The following CMKLR1 variants were observed in gnomAD, a reference collection of about 807,000 sequenced individuals.
CMKLR1 encodes the protein chemerin chemokine-like receptor 1, also known as chemerin-like receptor 1.
In CMKLR1, 6 loss-of-function variants were observed where a neutral mutation model predicts 8.2. That is an observed-to-expected ratio of 0.73 (90% confidence interval 0.40 to 1.44). The LOEUF is 1.44. Among genes scored for constraint, CMKLR1 ranks in the 40% most tolerant of loss-of-function variants. The pLI is 0.02. For missense variants in CMKLR1, 429 were observed against 478.0 expected (o/e 0.90, Z 0.96); for synonymous variants, 178 against 181.2 (o/e 0.98, Z 0.14).
At chr12:108,321,383 G>A (rs1891857718) in intron 2 of CMKLR1, among the ~76,000 whole-genome samples, 1 of 152,112 alleles carries the variant, frequency 6.6e-6, no homozygotes, top group East Asian at 1.9e-4. Flanking sequence ...AGTGAGCTAC[G>A]ATCATACCAC....
chr12:108,306,709 T>C (rs907942334), intron 2 of CMKLR1, among the ~76,000 whole-genome samples: 2 of 152,184 alleles, frequency 1.3e-5, no homozygotes, highest in African/African-American at 4.8e-5. Flanking sequence ...TCAAGACCAA[T>C]GCCTTACTAT....
intron 2 of CMKLR1, among the ~76,000 whole-genome samples, chr12:108,311,843 G>A (rs1014963648): frequency 6.6e-6 from 1 of 152,174 alleles, no homozygotes; most frequent in Non-Finnish European, 1.5e-5. Flanking sequence ...GGGCACGGAA[G>A]GACTGCTGGG....
chr12:108,305,726 G>T (rs1891390315), intron 2 of CMKLR1, among the ~76,000 whole-genome samples: 1 of 152,228 alleles, frequency 6.6e-6, no homozygotes, highest in South Asian at 2.1e-4. Flanking sequence ...TGTCAGGAGA[G>T]AATTTCCTCC....
intron 1 of CMKLR1, among the ~76,000 whole-genome samples, chr12:108,333,756 C>T (rs746641113): frequency 2.0e-5 from 3 of 152,364 alleles, no homozygotes; most frequent in Non-Finnish European, 2.9e-5. Flanking sequence ...GTCACCCAGA[C>T]GTCAACATTT....
At chr12:108,333,170 C>A (rs1290361729) in intron 1 of CMKLR1, among the ~76,000 whole-genome samples, 2 of 152,012 alleles carry the variant, frequency 1.3e-5, no homozygotes, top group Non-Finnish European at 1.5e-5. Flanking sequence ...CACCCACCCA[C>A]CTCCTTGCAC....
Position 108,291,667 on chromosome 12 carries a change from A to G in CMKLR1, c.*174T>C, listed in dbSNP as rs1028868349. The G allele has an allele frequency of 1.5e-6, 1 of 683,658 alleles. No homozygotes were observed. Among genetic ancestry groups the G allele is most frequent in the African/African-American group, 1.8e-5 (1 of 56,174 alleles). The allele number at this position is 683,658 out of a possible 1,614,324, so 42.3% of individuals were successfully genotyped here. Reference sequence around the variant, plus strand: ...GTATGGAACACAGCATGTTCTGTCCACTAGAAGAAAGGGGTTCCAGGCCCT... The same window carrying G: ...GTATGGAACACAGCATGTTCTGTCCGCTAGAAGAAAGGGGTTCCAGGCCCT... On this transcript the variant is annotated 3_prime_UTR_variant, in exon 4 of 4. Transcript: ENST00000550402.
chr12:108,330,630 G>A (rs2137343116), intron 1 of CMKLR1, among the ~76,000 whole-genome samples: 1 of 152,342 alleles, frequency 6.6e-6, no homozygotes, highest in East Asian at 1.9e-4. Flanking sequence ...CAGATTCAGA[G>A]GGAATCCATC....
rs1179816150 is a variant in CMKLR1, at chr12:108,288,432, G to T, written c.*3409C>A. ...AGGTCCCTTATGGTTTTCACGATTGGATTCTATCTTCTCCCACCCATCCAG... is the reference window on the plus strand; with the variant it reads ...AGGTCCCTTATGGTTTTCACGATTGTATTCTATCTTCTCCCACCCATCCAG... On this transcript the variant is annotated 3_prime_UTR_variant, in exon 4 of 4. Coordinates refer to ENST00000550402, the MANE Select transcript of CMKLR1 (RefSeq NM_001142343.2). The T allele has an allele frequency of 6.6e-6, 1 of 152,190 alleles. No individual in the cohort carries two copies. The highest frequency in any genetic ancestry group is 6.5e-5 in the Admixed American group (1 of 15,276). The allele number at this position is 152,190 out of a possible 1,614,324, so 9.4% of individuals were successfully genotyped here. A position where few individuals can be genotyped will look rare whatever the true frequency, so the allele number is the denominator to read the frequency against.
intron 1 of CMKLR1, among the ~76,000 whole-genome samples, chr12:108,336,750 G>T (rs1289191649): frequency 1.3e-5 from 2 of 152,130 alleles, no homozygotes; most frequent in Non-Finnish European, 2.9e-5. Context: ...ATCCACTAAA[G>T]AAATCAATAA....
Position 108,316,758 on chromosome 12 carries a change from A to G in CMKLR1, c.-74+13237T>C, listed in dbSNP as rs79111980. Among the ~76,000 whole-genome samples, 1,399 of 152,296 alleles carry G rather than the reference A, an allele frequency of 9.2e-3. 23 individuals carry two copies. The highest frequency in any genetic ancestry group is 0.032 in the African/African-American group (1,314 of 41,546). ...GGGATTTCCAAAATCCCCAAAGATC[A>G]GGGAGCTACGGGCAAGGTGTCAACC... is the stretch of plus-strand genomic sequence containing the variant. On this transcript the variant is annotated intron_variant, in intron 2 of 3. Coordinates refer to ENST00000550402, the MANE Select transcript of CMKLR1 (RefSeq NM_001142343.2).
chr12:108,290,526 T>A lies in CMKLR1; in HGVS notation c.*1315A>T, dbSNP rs1767394765. ...TAAATTCCAAATAGAAGAACAGAGT[T>A]TCTGGAGCCAGACGGAGCCAGGTTC... On this transcript the variant is annotated 3_prime_UTR_variant, in exon 4 of 4. Transcript: ENST00000550402. 1 of 152,218 alleles carries A rather than the reference T, an allele frequency of 6.6e-6. No homozygotes were observed. The highest frequency in any genetic ancestry group is 2.1e-4 in the South Asian group (1 of 4,822). The allele number at this position is 152,218 out of a possible 1,614,324, so 9.4% of individuals were successfully genotyped here.
At chr12:108,299,666 G>T (rs1372413467) in intron 2 of CMKLR1, among the ~76,000 whole-genome samples, 8 of 152,210 alleles carry the variant, frequency 5.3e-5, no homozygotes, top group Admixed American at 5.2e-4. Context: ...GCAGGGGGAA[G>T]ATTTCACATG....
chr12:108,313,385 T>TA (rs1221919396), intron 2 of CMKLR1, among the ~76,000 whole-genome samples: 1 of 152,158 alleles, frequency 6.6e-6, no homozygotes, highest in African/African-American at 2.4e-5. Flanking sequence ...ACCCTCATCT[T>TA]ACAGGAAAAG....
chr12:108,310,569 A>G (rs1192966540), intron 2 of CMKLR1, among the ~76,000 whole-genome samples: 1 of 152,184 alleles, frequency 6.6e-6, no homozygotes, highest in Non-Finnish European at 1.5e-5. Flanking sequence ...CTCAGCCCAC[A>G]GGGACTGGTT....
chr12:108,315,080 G>A (rs1891687459), intron 2 of CMKLR1, among the ~76,000 whole-genome samples: 2 of 151,872 alleles, frequency 1.3e-5, no homozygotes, highest in African/African-American at 2.4e-5. Flanking sequence ...TGAGATTACA[G>A]GCATGCGCCA....
At chr12:108,330,821 G>T (rs1892087521) in intron 1 of CMKLR1, among the ~76,000 whole-genome samples, 1 of 152,176 alleles carries the variant, frequency 6.6e-6, no homozygotes, top group African/African-American at 2.4e-5. Context: ...ATTGATAGTA[G>T]AACAGCTGAA....
intron 2 of CMKLR1, among the ~76,000 whole-genome samples, chr12:108,311,460 A>G (rs545148254): frequency 6.6e-5 from 10 of 152,226 alleles, no homozygotes; most frequent in African/African-American, 2.4e-4. Context: ...AGGGGAAAAA[A>G]TTTTAATTTA....
rs903106168 is a variant in CMKLR1, at chr12:108,289,029, A to G, written c.*2812T>C. The G allele has an allele frequency of 2.0e-5, 3 of 149,028 alleles. No homozygotes were observed. Among genetic ancestry groups the G allele is most frequent in the East Asian group, 2.0e-4 (1 of 4,968 alleles). The allele number at this position is 149,028 out of a possible 1,614,324, so 9.2% of individuals were successfully genotyped here. A position where few individuals can be genotyped will look rare whatever the true frequency, so the allele number is the denominator to read the frequency against. ...AGGTTTCAGTGTTTGTGCCTGAACC[A>G]TCGTAGGTGCTTCATGAATGCCAGA... On this transcript the variant is annotated 3_prime_UTR_variant, in exon 4 of 4. Transcript: ENST00000550402.
intron 2 of CMKLR1, among the ~76,000 whole-genome samples, chr12:108,319,912 C>A (rs1179492471): frequency 6.6e-6 from 1 of 152,118 alleles, no homozygotes; most frequent in Non-Finnish European, 1.5e-5. Context: ...GCACATATTA[C>A]CTGCCAGGTG....
Sources: allele counts gnomAD v4.1 joint callset (sites outside exome capture counted in the v4.1 genomes callset), GRCh38; gene constraint gnomAD v4.1.1; transcripts MANE v1.5; gene names NCBI Gene and HGNC (gene_info 2026-07-23, HGNC 2026-07-21).